The following ZDHHC17 variants were observed in gnomAD, a reference collection of about 807,000 sequenced individuals.
ZDHHC17 encodes zDHHC palmitoyltransferase 17.
Under a neutral mutation model 90.3 loss-of-function variants are expected in ZDHHC17, and 40 were observed. That is an observed-to-expected ratio of 0.44 (90% CI 0.34 to 0.58). The LOEUF is 0.58. ZDHHC17 is among the 20% of genes least tolerant of loss of function. The probability of loss-of-function intolerance (pLI) is 0.01; values close to 1 mark genes in which losing one functional copy is unlikely to be tolerated. For missense variants in ZDHHC17, 614 were observed against 780.8 expected (o/e 0.79, Z 2.55); for synonymous variants, 235 against 252.4 (o/e 0.93, Z 0.65).
At chr12:76,819,750 A>G (rs1421381623) in intron 7 of ZDHHC17, among the ~76,000 whole-genome samples, 1 of 152,168 alleles carries the variant, frequency 6.6e-6, no homozygotes, top group Non-Finnish European at 1.5e-5. Context: ...TAATCCCAGC[A>G]CTTTGGGAGG....
intron 1 of ZDHHC17, among the ~76,000 whole-genome samples, chr12:76,778,496 T>C (rs1952586552): frequency 6.6e-6 from 1 of 152,300 alleles, no homozygotes. Flanking sequence ...GTGCTGGGAT[T>C]ACAGGCATGA....
intron 10 of ZDHHC17, among the ~76,000 whole-genome samples, chr12:76,838,281 C>A (rs886783962): frequency 6.6e-6 from 1 of 152,094 alleles, no homozygotes; most frequent in Non-Finnish European, 1.5e-5. Flanking sequence ...ATGCTGTGCA[C>A]ATTTTTTCTG....
rs1259185318 is a variant in ZDHHC17, at chr12:76,826,937, T to C, written c.927T>C (p.Thr309=). Residue 309 remains threonine, a synonymous_variant, in exon 9 of 17, where the codon ACT becomes ACC. Coordinates refer to ENST00000426126, the MANE Select transcript of ZDHHC17 (RefSeq NM_015336.4). ...KEFRQKVMLG[T]PFLVIWLVGF... is the part of the protein sequence containing the mutation. Reference sequence around the variant, plus strand: ...TTCGGCAGAAAGTAATGTTAGGAACTCCTTTCCTAGTTATTTGGCTGGTTG... The same window carrying C: ...TTCGGCAGAAAGTAATGTTAGGAACCCCTTTCCTAGTTATTTGGCTGGTTG... The C allele has an allele frequency of 2.0e-6, 3 of 1,520,022 alleles. No homozygotes were observed. Among genetic ancestry groups the C allele is most frequent in the African/African-American group, 2.9e-5 (2 of 68,498 alleles). 94.2% of individuals were successfully genotyped at this position (1,520,022 alleles called of 1,614,324 possible). A position where few individuals can be genotyped will look rare whatever the true frequency, so the allele number is the denominator to read the frequency against.
intron 1 of ZDHHC17, among the ~76,000 whole-genome samples, chr12:76,785,711 C>T (rs79554261): frequency 0.14 from 21,317 of 152,074 alleles, 1,909 homozygotes; most frequent in Non-Finnish European, 0.2. Context: ...TTTGCCTGAG[C>T]CTGAGATGGG....
chr12:76,844,415 T>G (rs1251078612), intron 12 of ZDHHC17: 1 of 152,020 alleles, frequency 6.6e-6, no homozygotes, highest in African/African-American at 2.4e-5. Context: ...TAAAAACGAA[T>G]TACTTTGTTG....
intron 8 of ZDHHC17, among the ~76,000 whole-genome samples, chr12:76,824,715 C>T (rs148363335): frequency 2.6e-4 from 40 of 151,592 alleles, no homozygotes; most frequent in African/African-American, 7.7e-4. Flanking sequence ...CGTGGTGGTG[C>T]GCCTATAGTC....
At chr12:76,787,448 A>T (rs185231159) in intron 1 of ZDHHC17, among the ~76,000 whole-genome samples, 47 of 152,354 alleles carry the variant, frequency 3.1e-4, no homozygotes, top group African/African-American at 1.1e-3. Context: ...TTGAATAAGG[A>T]TGATTGAACA....
chr12:76,817,721 G>T (rs2137772776), intron 7 of ZDHHC17, among the ~76,000 whole-genome samples: 1 of 152,122 alleles, frequency 6.6e-6, no homozygotes, highest in African/African-American at 2.4e-5. Flanking sequence ...ATTAGCCATT[G>T]CGTAAACTTT....
rs145916869 is a variant in ZDHHC17, at chr12:76,817,816, A to G, written c.771+1797A>G. The stretch of plus-strand genomic sequence containing the variant: ...AGAGTAGAGATATTTAAAATTATTT[A>G]AATGATTTTGAACTTTGTATTTTTA... On this transcript the variant is annotated intron_variant, in intron 7 of 16. Transcript: ENST00000426126. Among the ~76,000 whole-genome samples, 15 of 152,258 alleles carry G rather than the reference A, an allele frequency of 9.9e-5. No individual in the cohort carries two copies. The East Asian group carries it at 2.9e-3, about 29-fold the overall frequency.
chr12:76,806,966 C>G (rs1952962069), intron 3 of ZDHHC17, among the ~76,000 whole-genome samples: 1 of 152,278 alleles, frequency 6.6e-6, no homozygotes, highest in South Asian at 2.1e-4. Flanking sequence ...TAATTTAATT[C>G]CTGAGTCTCA....
chr12:76,797,690 C>T (rs1361625845), intron 2 of ZDHHC17, among the ~76,000 whole-genome samples, 153 bp downstream of exon 2: 1 of 152,134 alleles, frequency 6.6e-6, no homozygotes, highest in Admixed American at 6.5e-5. Flanking sequence ...CACCTGTAAT[C>T]TCAGTACTTT....
At chr12:76,772,331 A>G (rs532510870) in intron 1 of ZDHHC17, among the ~76,000 whole-genome samples, 4 of 152,222 alleles carry the variant, frequency 2.6e-5, no homozygotes, top group African/African-American at 9.6e-5. Flanking sequence ...TATTGGTAGC[A>G]AAATTGAGCA....
chr12:76,846,551 G>T, intron 13 of ZDHHC17, 45 bp from the exon 14 acceptor site: 2 of 1,511,476 alleles, frequency 1.3e-6, no homozygotes, highest in African/African-American at 1.4e-5. Flanking sequence ...ATTACCCGTT[G>T]TTTTTTTCTT....
intron 4 of ZDHHC17, among the ~76,000 whole-genome samples, chr12:76,809,402 C>T (rs1952994223): frequency 6.6e-6 from 1 of 151,844 alleles, no homozygotes; most frequent in Non-Finnish European, 1.5e-5. Context: ...TATATATTTA[C>T]AATGAAAGAA....
At chr12:76,818,944 GA>G (rs1306468617) in intron 7 of ZDHHC17, among the ~76,000 whole-genome samples, 5 of 152,148 alleles carry the variant, frequency 3.3e-5, no homozygotes, top group Non-Finnish European at 7.4e-5. Flanking sequence ...GGAAAAGATG[GA>G]GATCAGTTAG....
chr12:76,813,295 A>AT (rs751456964), intron 5 of ZDHHC17: 21 of 430,000 alleles, frequency 4.9e-5, no homozygotes, highest in South Asian at 1.2e-4. Flanking sequence ...CAGAAAACAT[A>AT]TTTTTTTTAA....
intron 7 of ZDHHC17, chr12:76,821,121 C>A (rs1437039018): frequency 2.3e-6 from 3 of 1,287,118 alleles, no homozygotes; most frequent in Non-Finnish European, 3.0e-6. Flanking sequence ...GAGGCAACTG[C>A]AGGATATTCC....
intron 6 of ZDHHC17, among the ~76,000 whole-genome samples, chr12:76,815,460 T>C (rs1051720075): frequency 6.6e-6 from 1 of 151,838 alleles, no homozygotes; most frequent in Non-Finnish European, 1.5e-5. Context: ...TTTTTAAAAA[T>C]TAATTAATTT....
At chr12:76,833,237 A>C (rs1344576400) in intron 10 of ZDHHC17, among the ~76,000 whole-genome samples, 2 of 152,128 alleles carry the variant, frequency 1.3e-5, no homozygotes, top group Admixed American at 6.5e-5. Context: ...GGTTTTCCAA[A>C]TAATTATTTG....
Sources: gnomAD v4.1 joint callset for allele counts (sites outside exome capture counted in the v4.1 genomes callset) on GRCh38, gnomAD v4.1.1 for gene constraint, MANE v1.5 for transcripts, NCBI Gene and HGNC (gene_info 2026-07-23, HGNC 2026-07-21) for gene names.